PRDM16: variants seen among roughly 807,000 people sequenced by gnomAD.
The protein encoded by PRDM16 is PR/SET domain 16.
Under a neutral mutation model 110.6 loss-of-function variants are expected in PRDM16, and 23 were observed. The ratio of observed to expected loss-of-function variants is 0.21; its 90% confidence interval spans 0.15 to 0.29. The LOEUF (loss-of-function observed/expected upper bound fraction) is 0.29. PRDM16 is among the 10% of genes least tolerant of loss of function. The pLI is 1.00. For synonymous variants in PRDM16, 799 were observed against 781.8 expected, an observed-to-expected ratio of 1.02 and a Z score of -0.37; for missense variants, 1,615 against 1,794.3, an observed-to-expected ratio of 0.90 and a Z score of 1.81.
intron 3 of PRDM16, among the ~76,000 whole-genome samples, chr1:3,363,962 G>GC (rs1341055801): frequency 3.3e-5 from 5 of 150,828 alleles, no homozygotes; most frequent in South Asian, 2.1e-4. Context: ...TAAAGGCAGC[G>GC]CCCCCCGCCC....
chr1:3,162,068 A>C (rs1643902624), intron 1 of PRDM16, among the ~76,000 whole-genome samples: 1 of 152,160 alleles, frequency 6.6e-6, no homozygotes, highest in South Asian at 2.1e-4. Flanking sequence ...CTAGACCCCA[A>C]GACCCCAAAA....
chr1:3,347,960 G>A (rs1278188305), intron 3 of PRDM16, among the ~76,000 whole-genome samples: 1 of 152,102 alleles, frequency 6.6e-6, no homozygotes, highest in Non-Finnish European at 1.5e-5. Flanking sequence ...CGGGCACTGA[G>A]TTCCGTGAGC....
intron 10 of PRDM16, among the ~76,000 whole-genome samples, chr1:3,417,338 A>G (rs575933738): frequency 4.6e-5 from 7 of 152,350 alleles, no homozygotes; most frequent in Non-Finnish European, 8.8e-5. Context: ...CTATGCTTTA[A>G]ACGGAGATTC....
chr1:3,307,373 C>T, intron 3 of PRDM16: 1 of 152,212 alleles, frequency 6.6e-6, no homozygotes, highest in East Asian at 1.9e-4. Context: ...TCTCCTTCGC[C>T]TGCCTGTGTT....
chr1:3,417,147 G>A (rs1428027803), intron 10 of PRDM16, among the ~76,000 whole-genome samples: 1 of 152,258 alleles, frequency 6.6e-6, no homozygotes, highest in Non-Finnish European at 1.5e-5. Flanking sequence ...TCTCCAGGGA[G>A]CAGAGAGGCA....
intron 3 of PRDM16, among the ~76,000 whole-genome samples, chr1:3,361,447 C>T (rs1480397223): frequency 6.6e-6 from 1 of 152,204 alleles, no homozygotes; most frequent in African/African-American, 2.4e-5. Context: ...GTGTGTAGCA[C>T]AAGATAATTG....
intron 3 of PRDM16, among the ~76,000 whole-genome samples, chr1:3,324,481 T>C (rs1173658001): frequency 2.0e-5 from 3 of 152,136 alleles, no homozygotes; most frequent in African/African-American, 7.2e-5. Context: ...GCTCACTCGC[T>C]CATGCCCTCA....
rs992162783 is a variant in PRDM16, at chr1:3,209,110, G to A, written c.387+22636G>A. Among the ~76,000 whole-genome samples, 1 of 152,168 alleles carries A rather than the reference G, an allele frequency of 6.6e-6. No homozygotes were observed. The highest frequency in any genetic ancestry group is 1.9e-4 in the East Asian group (1 of 5,202). ...AATGCCCTGTGCCAACCTAAACCTG[G>A]GGCAGGGTGGACAGCAGGTGGCTTT... On this transcript the variant is annotated intron_variant, in intron 2 of 16. Transcript: ENST00000270722. This position sits in a 1 kb window ranked among gnomAD's most constrained non-coding sequence, Gnocchi z 4.6.
intron 2 of PRDM16, among the ~76,000 whole-genome samples, chr1:3,231,176 T>C (rs1244459059): frequency 6.6e-6 from 1 of 152,188 alleles, no homozygotes; most frequent in Admixed American, 6.5e-5. Context: ...TTTTGTTTAT[T>C]TTTACAACCC....
intron 2 of PRDM16, among the ~76,000 whole-genome samples, chr1:3,227,207 C>T (rs74378238): frequency 0.012 from 1,823 of 152,344 alleles, 76 homozygotes; most frequent in East Asian, 0.11. Context: ...CTTGCCTTCT[C>T]GCCCGGCGAG....
At chr1:3,398,161 A>G (rs947861592) in intron 5 of PRDM16, among the ~76,000 whole-genome samples, 2 of 152,230 alleles carry the variant, frequency 1.3e-5, no homozygotes, top group Non-Finnish European at 2.9e-5. Context: ...TACTTGACTT[A>G]AGGAGAGTGC....
intron 2 of PRDM16, among the ~76,000 whole-genome samples, chr1:3,239,894 G>A (rs751487426): frequency 1.3e-4 from 20 of 151,988 alleles, no homozygotes; most frequent in Non-Finnish European, 2.4e-4. Context: ...AGGTTGCAGT[G>A]AGCTGATAGA....
Position 3,069,647 on chromosome 1 carries a change from A to C in PRDM16, c.37+351A>C, listed in dbSNP as rs1456628629. 6.6e-6 allele frequency among the ~76,000 whole-genome samples: 1 copy of C among 150,960 alleles called. No individual in the cohort carries two copies. The highest frequency in any genetic ancestry group is 1.5e-5 in the Non-Finnish European group (1 of 67,614). ...GAGGGCCGGGGGTGGAGGGGAGCGAAAAGTGAAAGTTAGCGAAAAGTTGAC... is the reference window on the plus strand; with the variant it reads ...GAGGGCCGGGGGTGGAGGGGAGCGACAAGTGAAAGTTAGCGAAAAGTTGAC... On this transcript the variant is annotated intron_variant, in intron 1 of 16. Coordinates refer to ENST00000270722, the MANE Select transcript of PRDM16 (RefSeq NM_022114.4). The surrounding 1 kb of genome is among the most constrained non-coding windows in gnomAD (Gnocchi z 6.1).
chr1:3,409,804 TGTATGTGTGC>T (rs1434588338), intron 8 of PRDM16, among the ~76,000 whole-genome samples: 1 of 82,630 alleles, frequency 1.2e-5, no homozygotes, highest in Non-Finnish European at 2.3e-5. Flanking sequence ...GTGTGTGTGG[TGTATGTGTGC>T]ATGTGTGTGG....
intron 2 of PRDM16, among the ~76,000 whole-genome samples, chr1:3,230,342 G>C (rs541227284): frequency 1.3e-5 from 2 of 152,314 alleles, no homozygotes; most frequent in Middle Eastern, 3.4e-3. Context: ...CTCCTGGGAC[G>C]AGTCCTTGGG....
intron 3 of PRDM16, among the ~76,000 whole-genome samples, chr1:3,372,316 C>G (rs1178199732): frequency 6.6e-6 from 1 of 152,246 alleles, no homozygotes; most frequent in Non-Finnish European, 1.5e-5. Context: ...TGCAAGCCAG[C>G]TATTTTAGGG....
rs2817157 is a variant in PRDM16 at position 3,230,812 on chromosome 1, C to T, written c.388-13275C>T. ...GCCCGGTGCGACCGCACTGCAGCCTCGGGCACCATGAGGCATTCGAAGTGA... is the reference window on the plus strand; with the variant it reads ...GCCCGGTGCGACCGCACTGCAGCCTTGGGCACCATGAGGCATTCGAAGTGA... On this transcript the variant is annotated intron_variant, in intron 2 of 16. Transcript: ENST00000270722. 1.5e-3 allele frequency among the ~76,000 whole-genome samples: 230 copies of T among 152,342 alleles called. 1 individual carries two copies. Among genetic ancestry groups the T allele is most frequent in the African/African-American group, 5.0e-3 (207 of 41,590 alleles).
chr1:3,106,948 G>A (rs947736138), intron 1 of PRDM16, among the ~76,000 whole-genome samples: 16 of 152,364 alleles, frequency 1.1e-4, no homozygotes, highest in African/African-American at 3.6e-4. Context: ...CAGACGACCA[G>A]AAGGAGAGGG....
intron 3 of PRDM16, among the ~76,000 whole-genome samples, chr1:3,247,548 C>T (rs545486884): frequency 6.6e-6 from 1 of 152,242 alleles, no homozygotes; most frequent in Non-Finnish European, 1.5e-5. Flanking sequence ...CACCGCCAGG[C>T]GCAGGGGACG....
Sources: allele counts gnomAD v4.1 joint callset (sites outside exome capture counted in the v4.1 genomes callset), GRCh38; gene constraint gnomAD v4.1.1; non-coding constraint Gnocchi (gnomAD v3.1); transcripts MANE v1.5; gene names NCBI Gene and HGNC (gene_info 2026-07-23, HGNC 2026-07-21).